Variants in PTCH1 observed in about 807,000 individuals in gnomAD.
PTCH1 encodes patched 1.
In PTCH1, 14 loss-of-function variants were observed where a neutral mutation model predicts 144.6. The observed-to-expected ratio is 0.10, with a 90% CI of 0.06 to 0.15. The LOEUF is 0.15. Ranked by LOEUF, PTCH1 falls within the 10% of genes least tolerant of loss-of-function variation. PTCH1 has a pLI of 1.00. For missense variants in PTCH1, 1,623 were observed against 1,948.3 expected (o/e 0.83, Z 3.14); for synonymous variants, 833 against 793.6 (o/e 1.05, Z -0.83).
At chr9:95,493,466 G>A (rs1042785915) in intron 2 of PTCH1, among the ~76,000 whole-genome samples, 2 of 152,180 alleles carry the variant, frequency 1.3e-5, no homozygotes, top group Non-Finnish European at 2.9e-5. Flanking sequence ...TCAATACAGA[G>A]CCTTGGGAAC....
Position 95,508,255 on chromosome 9 carries a change from G to C in PTCH1, c.107C>G (p.Thr36Arg), listed in dbSNP as rs1449765833. ...RPAGGGRRRRTGGLRRAAAPD... is the reference protein window; with the variant it reads ...RPAGGGRRRRRGGLRRAAAPD... ...CGCGGCAGCACGGCGCAGCCCCCCC[G>C]TCCGTCTGCGCCTCCCGCCTCCAGC... The change falls in exon 1 of 24, where the codon ACG becomes AGG. Residue 36 changes from threonine (T) to arginine (R), a missense_variant. Thr to Arg is a moderately conservative substitution (Grantham distance 71, BLOSUM62 -1). This residue lies in a region of PTCH1 where 245 missense variants were observed against 240.6 expected (regional missense o/e 1.02). Transcript: ENST00000331920. 8 of 1,598,266 alleles carry C rather than the reference G, an allele frequency of 5.0e-6. No homozygotes were observed. The African/African-American group carries it at 1.1e-4, about 21-fold the overall frequency.
intron 3 of PTCH1, chr9:95,483,967 A>G (rs1421325928): frequency 6.6e-6 from 1 of 152,230 alleles, no homozygotes; most frequent in East Asian, 1.9e-4. Flanking sequence ...TAACTGCATG[A>G]ACTTGGACAA....
chr9:95,451,555 G>A (rs1564011591), intron 20 of PTCH1: 1 of 152,186 alleles, frequency 6.6e-6, no homozygotes, highest in African/African-American at 2.4e-5. Context: ...CCACAAGGCT[G>A]AGCGAGACCC....
chr9:95,503,211 A>C (rs1843276386), intron 2 of PTCH1: 1 of 152,252 alleles, frequency 6.6e-6, no homozygotes, highest in Admixed American at 6.5e-5. Context: ...AGAAAGCAGC[A>C]TCTAACAGAT....
upstream of PTCH1, among the ~76,000 whole-genome samples, chr9:95,513,319 A>C (rs558827248): frequency 6.6e-6 from 1 of 152,338 alleles, no homozygotes; most frequent in African/African-American, 2.4e-5. Flanking sequence ...AAAGGGGTTA[A>C]TGTATTCCAG....
At chr9:95,469,204 T>C (rs1168629002) in intron 13 of PTCH1, 51 bp from the exon 14 acceptor site, 2 of 1,609,216 alleles carry the variant, frequency 1.2e-6, no homozygotes, top group African/African-American at 1.3e-5. Flanking sequence ...AGGGAAATGG[T>C]GCTTTCATTC....
chr9:95,492,339 G>A (rs1207948097), intron 2 of PTCH1, among the ~76,000 whole-genome samples: 9 of 152,108 alleles, frequency 5.9e-5, no homozygotes, highest in Admixed American at 5.9e-4. Context: ...TAAGTACGTA[G>A]GTGTGAATTA....
At chr9:95,489,239 T>G (rs931850845) in intron 2 of PTCH1, among the ~76,000 whole-genome samples, 3 of 152,250 alleles carry the variant, frequency 2.0e-5, no homozygotes, top group African/African-American at 7.2e-5. Context: ...ATTATCTTGC[T>G]GTCTTCCTTA....
At chr9:95,468,501 A>G (rs1270142527) in intron 14 of PTCH1, among the ~76,000 whole-genome samples, 1 of 152,210 alleles carries the variant, frequency 6.6e-6, no homozygotes, top group Non-Finnish European at 1.5e-5. Context: ...AGTGGCAATA[A>G]TCACATTTTT....
chr9:95,464,257 A>C (rs1839802837), intron 15 of PTCH1, among the ~76,000 whole-genome samples: 1 of 152,250 alleles, frequency 6.6e-6, no homozygotes, highest in Admixed American at 6.5e-5. Context: ...GGCTGGCCTA[A>C]GCACATGTAC....
At chr9:95,459,961 T>G in intron 16 of PTCH1, 178 bp from the exon 17 acceptor site, 1 of 711,882 alleles carries the variant, frequency 1.4e-6, no homozygotes, top group Non-Finnish European at 2.4e-6. Context: ...TGTGCACTTA[T>G]CGGAGGATGC....
chr9:95,449,182 CTG>C lies in PTCH1; in HGVS notation c.3689_3690del (p.Thr1230SerfsTer94). On this transcript the variant is annotated frameshift_variant, in exon 22 of 24. Coordinates refer to ENST00000331920, the MANE Select transcript of PTCH1 (RefSeq NM_000264.5). LOFTEE classifies it high-confidence loss of function. The surrounding 1 kb of genome is among the most constrained non-coding windows in gnomAD (Gnocchi z 5.3). The part of the protein sequence containing the change: ...SSDSEYSSQT[T>X]VSGLSEELRH... ...CGAAGCTCCTCGCTGAGGCCTGACA[CTG>C]TCGTCTGGGAACTATACTCCGAGTC... 1.9e-6 allele frequency: 3 copies of C among 1,612,286 alleles called. No individual in the cohort carries two copies. The highest frequency in any genetic ancestry group is 2.5e-6 in the Non-Finnish European group (3 of 1,179,218).
chr9:95,487,299 T>C (rs1182275791), intron 2 of PTCH1, among the ~76,000 whole-genome samples: 1 of 152,142 alleles, frequency 6.6e-6, no homozygotes, highest in Non-Finnish European at 1.5e-5. Flanking sequence ...ATATATCAGT[T>C]GGTTAATAAA....
intron 19 of PTCH1, among the ~76,000 whole-genome samples, chr9:95,453,883 C>T (rs1193667005): frequency 6.6e-6 from 1 of 152,182 alleles, no homozygotes; most frequent in African/African-American, 2.4e-5. Context: ...GAAATGTCCC[C>T]TTCTTTTCAC....
chr9:95,511,773 T>TAGACACTTCAAGTCGACACTTCAAGTC (rs1844171352), upstream of PTCH1, among the ~76,000 whole-genome samples: 1 of 152,246 alleles, frequency 6.6e-6, no homozygotes, highest in Non-Finnish European at 1.5e-5. Flanking sequence ...TCTTACTGAA[T>TAGACACTTCAAGTCGACACTTCAAGTC]GGTTATGCCG....
At chr9:95,463,773 G>C (rs1486229110) in intron 15 of PTCH1, among the ~76,000 whole-genome samples, 1 of 152,188 alleles carries the variant, frequency 6.6e-6, no homozygotes, top group Non-Finnish European at 1.5e-5. Flanking sequence ...TTGGAAAGGG[G>C]AGACTGGAGG....
chr9:95,446,705 G>C lies in PTCH1; in HGVS notation c.*1+206C>G, dbSNP rs568950108. On this transcript the variant is annotated intron_variant, in intron 23 of 23. Transcript: ENST00000331920. ...TCCGCAGGTTAGCAGTGGGGGAAGA[G>C]AGCAGTGTGGAGCTGGACTGGTTCC... The C allele has an allele frequency of 4.0e-4, 263 of 659,944 alleles. 1 individual carries two copies. The highest frequency in any genetic ancestry group is 6.3e-4 in the Non-Finnish European group (238 of 378,544). The allele number at this position is 659,944 out of a possible 1,614,324, so 40.9% of individuals were successfully genotyped here. A position where few individuals can be genotyped will look rare whatever the true frequency, so the allele number is the denominator to read the frequency against.
intron 18 of PTCH1, among the ~76,000 whole-genome samples, chr9:95,456,709 C>T (rs767677266): frequency 4.6e-5 from 7 of 152,118 alleles, no homozygotes; most frequent in African/African-American, 1.2e-4. Context: ...ACTCCACCAG[C>T]GCAATCCACG....
At chr9:95,506,680 G>GCTTGCGCGCACCCGCCCA in intron 1 of PTCH1, 81 bp from the exon 2 acceptor site, 2 of 1,350,666 alleles carry the variant, frequency 1.5e-6, no homozygotes, top group South Asian at 1.6e-5. Context: ...GCACCCGCCC[G>GCTTGCGCGCACCCGCCCA]GTGAGCCCCC....
Sources: gnomAD v4.1 joint callset for allele counts (sites outside exome capture counted in the v4.1 genomes callset) on GRCh38, gnomAD v4.1.1 for gene constraint, gnomAD v4.1.1 regional missense constraint, Gnocchi (gnomAD v3.1) non-coding constraint, MANE v1.5 for transcripts, NCBI Gene and HGNC (gene_info 2026-07-23, HGNC 2026-07-21) for gene names.